Variants in ST3GAL3 observed in about 807,000 individuals in gnomAD.
ST3GAL3 encodes CMP-N-acetylneuraminate-beta-1,4-galactoside alpha-2,3-sialyltransferase.
ST3GAL3 carries 21 observed loss-of-function variants against 50.1 expected under a neutral mutation model. The ratio of observed to expected loss-of-function variants is 0.42; its 90% CI spans 0.30 to 0.60. ST3GAL3 has a LOEUF of 0.60. Ranked by LOEUF, ST3GAL3 falls within the 20% of genes least tolerant of loss-of-function variation. The pLI, the probability that ST3GAL3 is intolerant of heterozygous loss-of-function variation, is 0.19. For synonymous variants in ST3GAL3, 183 were observed against 190.0 expected (o/e 0.96, Z 0.30); for missense variants, 353 against 489.4 (o/e 0.72, Z 2.63).
At chr1:43,803,498 C>T (rs749491476) in intron 3 of ST3GAL3, among the ~76,000 whole-genome samples, 2 of 152,112 alleles carry the variant, frequency 1.3e-5, no homozygotes, top group Non-Finnish European at 2.9e-5. Flanking sequence ...TTTGTGAGCC[C>T]GATTTTTCAG....
At chr1:43,870,336 T>G (rs566761046) in intron 5 of ST3GAL3, among the ~76,000 whole-genome samples, 1 of 152,360 alleles carries the variant, frequency 6.6e-6, no homozygotes, top group Non-Finnish European at 1.5e-5. Flanking sequence ...AGGAATCCCA[T>G]GAGCCCTGTT....
chr1:43,762,904 A>G (rs1243496280), intron 2 of ST3GAL3, among the ~76,000 whole-genome samples: 1 of 152,158 alleles, frequency 6.6e-6, no homozygotes, highest in East Asian at 1.9e-4. Flanking sequence ...CAATGGGAAG[A>G]AGCCTGAGAA....
intron 2 of ST3GAL3, among the ~76,000 whole-genome samples, chr1:43,747,341 G>A (rs1684175521): frequency 6.6e-6 from 1 of 151,838 alleles, no homozygotes; most frequent in Non-Finnish European, 1.5e-5. Flanking sequence ...GAACCCAGGA[G>A]GCGGATATTG....
intron 5 of ST3GAL3, chr1:43,851,008 G>T: frequency 3.5e-6 from 3 of 854,072 alleles, no homozygotes; most frequent in Non-Finnish European, 6.1e-6. Context: ...GTGTTCAAAT[G>T]GGGAGGGCAC....
intron 2 of ST3GAL3, among the ~76,000 whole-genome samples, chr1:43,757,650 A>G (rs1282286618): frequency 6.6e-6 from 1 of 152,236 alleles, no homozygotes; most frequent in Non-Finnish European, 1.5e-5. Flanking sequence ...CTTGAAATGG[A>G]TCATGCAACC....
chr1:43,772,089 C>T, intron 2 of ST3GAL3: 1 of 393,986 alleles, frequency 2.5e-6, no homozygotes. Context: ...AAGTTTCACT[C>T]TTGTTGCTGG....
intron 2 of ST3GAL3, among the ~76,000 whole-genome samples, chr1:43,767,146 C>G (rs559385625): frequency 1.1e-4 from 17 of 152,282 alleles, no homozygotes; most frequent in Admixed American, 1.1e-3. Context: ...ATAGCCACAG[C>G]ACTTCACCAC....
intron 2 of ST3GAL3, among the ~76,000 whole-genome samples, chr1:43,761,865 A>G (rs925314525): frequency 2.0e-5 from 3 of 147,840 alleles, no homozygotes; most frequent in Non-Finnish European, 3.0e-5. Context: ...GCAGGAGAAT[A>G]GCGTGAACCC....
intron 1 of ST3GAL3, among the ~76,000 whole-genome samples, chr1:43,708,540 T>C (rs1662773632): frequency 6.6e-6 from 1 of 152,192 alleles, no homozygotes; most frequent in African/African-American, 2.4e-5. Context: ...CATGACAAAT[T>C]AGGTTGTTTC....
At chr1:43,876,952 G>A (rs906802902) in intron 5 of ST3GAL3, among the ~76,000 whole-genome samples, 9 of 152,336 alleles carry the variant, frequency 5.9e-5, no homozygotes, top group African/African-American at 1.9e-4. Context: ...CCCAGGAGGC[G>A]AGCAGAGGTG....
intron 2 of ST3GAL3, among the ~76,000 whole-genome samples, chr1:43,755,356 G>A (rs979163909): frequency 2.6e-4 from 39 of 152,206 alleles, no homozygotes; most frequent in African/African-American, 8.0e-4. Flanking sequence ...ATAATGTCAC[G>A]TGTTGGCTGG....
chr1:43,829,357 T>G (rs184542771), intron 4 of ST3GAL3, among the ~76,000 whole-genome samples: 17 of 152,344 alleles, frequency 1.1e-4, no homozygotes, highest in African/African-American at 4.1e-4. Context: ...GCTGAATAAT[T>G]GTTAGTTACA....
At chr1:43,879,141 G>A (rs2074647928) in intron 5 of ST3GAL3, 13 of 448,032 alleles carry the variant, frequency 2.9e-5, no homozygotes, top group South Asian at 2.1e-4. Context: ...AAATCTGAAT[G>A]AAAACATAGA....
intron 4 of ST3GAL3, among the ~76,000 whole-genome samples, chr1:43,822,515 T>G (rs1356302437): frequency 6.6e-6 from 1 of 152,172 alleles, no homozygotes; most frequent in Non-Finnish European, 1.5e-5. Context: ...AAACAACTCT[T>G]AACCCCCAGA....
chr1:43,808,275 GC>G, intron 3 of ST3GAL3, among the ~76,000 whole-genome samples: 1 of 144,238 alleles, frequency 6.9e-6, no homozygotes, highest in Admixed American at 7.0e-5. Context: ...CTGCACTCCA[GC>G]CCAGGCGACA....
At chr1:43,765,688 T>A (rs1339366646) in intron 2 of ST3GAL3, among the ~76,000 whole-genome samples, 1 of 151,924 alleles carries the variant, frequency 6.6e-6, no homozygotes, top group African/African-American at 2.4e-5. Context: ...ATTTAAGGAT[T>A]CCTTGCTCTG....
chr1:43,865,379 A>G (rs777647371), intron 5 of ST3GAL3, among the ~76,000 whole-genome samples: 4 of 152,104 alleles, frequency 2.6e-5, no homozygotes, highest in Non-Finnish European at 5.9e-5. Context: ...TAGTGAAAGA[A>G]ATTTTTTCAT....
chr1:43,928,599 G>GA (rs963588621), intron 11 of ST3GAL3, among the ~76,000 whole-genome samples: 342 of 136,462 alleles, frequency 2.5e-3, no homozygotes, highest in Admixed American at 5.3e-3. Flanking sequence ...GACACCATCT[G>GA]AAAAAAAAAA....
chr1:43,829,711 A>G (rs2154190713), intron 4 of ST3GAL3, among the ~76,000 whole-genome samples: 1 of 152,216 alleles, frequency 6.6e-6, no homozygotes. Flanking sequence ...TCTTTTCTTG[A>G]CAGTACCTCC....
Sources: allele counts gnomAD v4.1 joint callset (sites outside exome capture counted in the v4.1 genomes callset), GRCh38; gene constraint gnomAD v4.1.1; transcripts MANE v1.5; gene names NCBI Gene and HGNC (gene_info 2026-07-23, HGNC 2026-07-21).